The following MEGF9 variants were observed in gnomAD, a reference collection of about 807,000 sequenced individuals.
MEGF9 encodes the protein multiple EGF like domains 9.
MEGF9 carries 6 observed loss-of-function variants against 46.8 expected under a neutral mutation model. The ratio of observed to expected loss-of-function variants is 0.13; its 90% CI spans 0.07 to 0.25. The LOEUF is 0.25. Ranked by LOEUF, MEGF9 falls within the 10% of genes least tolerant of loss-of-function variation. The pLI, the probability that MEGF9 is intolerant of heterozygous loss-of-function variation, is 1.00. For synonymous variants in MEGF9, 302 were observed against 330.7 expected, an observed-to-expected ratio of 0.91 and a Z score of 0.94; for missense variants, 683 against 792.4, an observed-to-expected ratio of 0.86 and a Z score of 1.66.
chr9:120,692,126 A>C (rs948861287), intron 1 of MEGF9, among the ~76,000 whole-genome samples: 1 of 152,144 alleles, frequency 6.6e-6, no homozygotes, highest in Non-Finnish European at 1.5e-5. Context: ...TTGTGTATGA[A>C]TCTGTCTCTC....
At position 120,714,314 on chromosome 9, in the gene MEGF9, C is replaced by A; in HGVS notation, c.45G>T (p.Leu15=). The A allele has an allele frequency of 7.4e-7, 1 of 1,345,996 alleles. No individual in the cohort carries two copies. Among genetic ancestry groups the A allele is most frequent in the South Asian group, 1.8e-5 (1 of 55,216 alleles). 83.4% of individuals were successfully genotyped at this position (1,345,996 alleles called of 1,614,324 possible). The part of the protein sequence containing the change: ...AERAMRSLPS[L]GGLALLCCAA... Reference sequence around the variant, plus strand: ...CGCAGCACAACAGGGCGAGGCCGCCCAGGCTCGGCAGGCTCCTCATGGCGC... The same window carrying A: ...CGCAGCACAACAGGGCGAGGCCGCCAAGGCTCGGCAGGCTCCTCATGGCGC... Residue 15 remains leucine, a synonymous_variant, in exon 1 of 6, where the codon CTG becomes CTT. Transcript: ENST00000373930.
intron 1 of MEGF9, among the ~76,000 whole-genome samples, chr9:120,664,256 T>C (rs2043715497): frequency 6.6e-6 from 1 of 152,194 alleles, no homozygotes; most frequent in Non-Finnish European, 1.5e-5. Context: ...TCATAGAGAA[T>C]ATTTGGTATG....
intron 3 of MEGF9, among the ~76,000 whole-genome samples, chr9:120,614,701 C>G (rs2043463508): frequency 6.6e-6 from 1 of 151,880 alleles, no homozygotes; most frequent in Non-Finnish European, 1.5e-5. Flanking sequence ...AATCTGTCTA[C>G]CTACTCTCCC....
intron 2 of MEGF9, among the ~76,000 whole-genome samples, chr9:120,624,560 T>C (rs1324532069): frequency 2.0e-5 from 3 of 152,060 alleles, no homozygotes; most frequent in Non-Finnish European, 4.4e-5. Context: ...AAAAAGGTGC[T>C]TTTCTCTCTT....
intron 1 of MEGF9, among the ~76,000 whole-genome samples, chr9:120,710,503 G>A (rs187700870): frequency 3.3e-5 from 5 of 151,422 alleles, no homozygotes; most frequent in Non-Finnish European, 7.4e-5. Context: ...GAGAAAAAGT[G>A]CCTGCTTGCT....
At chr9:120,652,853 ATCTAACT>A (rs2043659755) in intron 2 of MEGF9, among the ~76,000 whole-genome samples, 1 of 151,942 alleles carries the variant, frequency 6.6e-6, no homozygotes, top group South Asian at 2.1e-4. Context: ...TTATTCTTCT[ATCTAACT>A]GTATTTTTGT....
chr9:120,695,294 T>A (rs548022979), intron 1 of MEGF9, among the ~76,000 whole-genome samples: 10 of 152,096 alleles, frequency 6.6e-5, no homozygotes, highest in Admixed American at 2.6e-4. Flanking sequence ...ATACTTAAAA[T>A]AAGGGTCCTT....
intron 1 of MEGF9, 149 bp downstream of exon 1, chr9:120,713,609 G>A (rs955429585): frequency 2.7e-6 from 3 of 1,119,780 alleles, no homozygotes; most frequent in Non-Finnish European, 3.4e-6. Flanking sequence ...GCGGGAGGGA[G>A]ACTAGCTGGA....
At position 120,605,720 on chromosome 9, in the gene MEGF9, G is replaced by T; in HGVS notation, c.1358-79C>A. ...GAAACAATAAAAGAAATACGCATGG[G>T]AGTGAATGTTGATGTAGGATGTTAA... is the stretch of plus-strand genomic sequence containing the variant. On this transcript the variant is annotated intron_variant, in intron 5 of 5. Coordinates refer to ENST00000373930, the MANE Select transcript of MEGF9 (RefSeq NM_001080497.3). The surrounding 1 kb of genome is among the most constrained non-coding windows in gnomAD (Gnocchi z 4.0). 1 of 1,023,848 alleles carries T rather than the reference G, an allele frequency of 9.8e-7. No homozygotes were observed. The highest frequency in any genetic ancestry group is 1.4e-6 in the Non-Finnish European group (1 of 706,018). The allele number at this position is 1,023,848 out of a possible 1,614,324, so 63.4% of individuals were successfully genotyped here.
At chr9:120,705,768 C>T (rs896330245) in intron 1 of MEGF9, among the ~76,000 whole-genome samples, 3 of 151,760 alleles carry the variant, frequency 2.0e-5, no homozygotes, top group Non-Finnish European at 4.4e-5. Context: ...TAGAAATCCT[C>T]CTTTAAAGTT....
Position 120,614,962 on chromosome 9 carries a change from A to G in MEGF9, c.944-2423T>C, listed in dbSNP as rs193152329. Among the ~76,000 whole-genome samples the G allele has an allele frequency of 7.8e-4, 118 of 152,044 alleles. 1 individual carries two copies. The highest frequency in any genetic ancestry group is 1.0e-3 in the South Asian group (5 of 4,812). On this transcript the variant is annotated intron_variant, in intron 3 of 5. Transcript: ENST00000373930. Reference sequence around the variant, plus strand: ...ATATATATGTATATATGTATATGCCAGGCATGGTGGCTCACGCCTGTAATC... The same window carrying G: ...ATATATATGTATATATGTATATGCCGGGCATGGTGGCTCACGCCTGTAATC...
At chr9:120,673,305 AT>A (rs537464714) in intron 1 of MEGF9, among the ~76,000 whole-genome samples, 265 of 152,262 alleles carry the variant, frequency 1.7e-3, no homozygotes, top group African/African-American at 6.0e-3. Flanking sequence ...TCCCAGAAGG[AT>A]TTTTTATAGA....
At chr9:120,629,319 G>A (rs1327506022) in intron 2 of MEGF9, among the ~76,000 whole-genome samples, 1 of 151,940 alleles carries the variant, frequency 6.6e-6, no homozygotes, top group Non-Finnish European at 1.5e-5. Flanking sequence ...GCCAAATCCT[G>A]CCTGAGACAC....
intron 1 of MEGF9, among the ~76,000 whole-genome samples, chr9:120,699,405 C>T (rs1359759614): frequency 6.6e-6 from 1 of 151,750 alleles, no homozygotes; most frequent in Non-Finnish European, 1.5e-5. Context: ...AGAAAATGAA[C>T]ATAGATTATT....
At chr9:120,689,329 A>C (rs2132337247) in intron 1 of MEGF9, among the ~76,000 whole-genome samples, 1 of 152,230 alleles carries the variant, frequency 6.6e-6, no homozygotes, top group South Asian at 2.1e-4. Context: ...TACTATAGAG[A>C]ACTGGAAAAA....
chr9:120,601,977 C>T lies in MEGF9; in HGVS notation c.*3213G>A, dbSNP rs1463773377. ...TTTAAAAATAAACAGATTTCCAATC[C>T]TTACACAAACATTCTCCCAATATTA... On this transcript the variant is annotated 3_prime_UTR_variant, in exon 6 of 6. Transcript: ENST00000373930. 2 of 152,090 alleles carry T rather than the reference C, an allele frequency of 1.3e-5. No individual in the cohort carries two copies. The highest frequency in any genetic ancestry group is 1.3e-4 in the Admixed American group (2 of 15,268). 9.4% of individuals were successfully genotyped at this position (152,090 alleles called of 1,614,324 possible). A position where few individuals can be genotyped will look rare whatever the true frequency, so the allele number is the denominator to read the frequency against.
intron 2 of MEGF9, among the ~76,000 whole-genome samples, chr9:120,626,878 G>C (rs1475457695): frequency 5.9e-5 from 9 of 152,080 alleles, no homozygotes; most frequent in Admixed American, 5.9e-4. Context: ...AATGCATTTA[G>C]CACAGTGTCT....
At position 120,714,101 on chromosome 9, in the gene MEGF9, G is replaced by T; in HGVS notation, c.258C>A (p.Thr86=). The T allele has an allele frequency of 8.0e-7, 1 of 1,248,782 alleles. No individual in the cohort carries two copies. The highest frequency in any genetic ancestry group is 1.0e-6 in the Non-Finnish European group (1 of 996,416). The allele number at this position is 1,248,782 out of a possible 1,614,324, so 77.4% of individuals were successfully genotyped here. Residue 86 remains threonine, a synonymous_variant, in exon 1 of 6, where the codon ACC becomes ACA. Coordinates refer to ENST00000373930, the MANE Select transcript of MEGF9 (RefSeq NM_001080497.3). Reference sequence around the variant, plus strand: ...AAGTCGCAGCCAGGGGTCGGTGGACGGTGGCGCGCGGGGGCCCGGTCCTCG... The same window carrying T: ...AAGTCGCAGCCAGGGGTCGGTGGACTGTGGCGCGCGGGGGCCCGGTCCTCG... The part of the protein sequence containing the change: ...QAPRTGPPRA[T]VHRPLAATSP...
chr9:120,669,456 T>C (rs550784809), intron 1 of MEGF9, among the ~76,000 whole-genome samples: 12 of 152,066 alleles, frequency 7.9e-5, no homozygotes, highest in East Asian at 3.9e-4. Context: ...TAAAACAGAA[T>C]TATACCTAAA....
Sources: allele counts gnomAD v4.1 joint callset (sites outside exome capture counted in the v4.1 genomes callset), GRCh38; gene constraint gnomAD v4.1.1; non-coding constraint Gnocchi (gnomAD v3.1); transcripts MANE v1.5; gene names NCBI Gene and HGNC (gene_info 2026-07-23, HGNC 2026-07-21).